GPM6B: variants seen among roughly 807,000 people sequenced by gnomAD.
GPM6B encodes the protein glycoprotein M6B, also known as neuronal membrane glycoprotein M6-b.
In GPM6B, 4 loss-of-function variants were observed where a neutral mutation model predicts 27.2. The ratio of observed to expected loss-of-function variants is 0.15; its 90% CI spans 0.07 to 0.34. GPM6B has a LOEUF of 0.34. GPM6B is among the 10% of genes least tolerant of loss of function. GPM6B has a pLI of 1.00. For missense variants in GPM6B, 183 were observed against 261.9 expected (o/e 0.70, Z 2.08); for synonymous variants, 124 against 103.1 (o/e 1.20, Z -1.23).
chrX:13,790,046 G>T (rs995505093), intron 2 of GPM6B, among the ~76,000 whole-genome samples: 22 of 111,476 alleles, frequency 2.0e-4, no homozygotes, highest in African/African-American at 7.2e-4. Context: ...TAGTGACAGG[G>T]TCTCCTTATG....
chrX:13,888,229 G>A (rs2050155828), intron 1 of GPM6B, among the ~76,000 whole-genome samples: 1 of 112,521 alleles, frequency 8.9e-6, no homozygotes, highest in African/African-American at 3.2e-5. Flanking sequence ...TCTTGCAGAA[G>A]CCATTTGGTT....
intron 1 of GPM6B, among the ~76,000 whole-genome samples, chrX:13,863,204 C>T (rs1273572875): frequency 9.0e-6 from 1 of 111,590 alleles, no homozygotes; most frequent in African/African-American, 3.3e-5. Flanking sequence ...CACCAAAACA[C>T]CCTCCGGGGC....
intron 1 of GPM6B, among the ~76,000 whole-genome samples, chrX:13,808,521 G>T (rs1789572297): frequency 1.8e-5 from 2 of 111,755 alleles, no homozygotes; most frequent in Admixed American, 1.9e-4. Context: ...CAATTTGCCT[G>T]GCACAGAGTA....
chrX:13,935,582 T>A (rs188073918), intron 1 of GPM6B, among the ~76,000 whole-genome samples: 1 of 112,201 alleles, frequency 8.9e-6, no homozygotes. Context: ...TCTCTCTGGA[T>A]ACATAAGCCA....
At chrX:13,936,132 A>G (rs1185329017) in intron 1 of GPM6B, among the ~76,000 whole-genome samples, 1 of 111,768 alleles carries the variant, frequency 8.9e-6, no homozygotes, top group Non-Finnish European at 1.9e-5. Context: ...TGGCTGCACA[A>G]ATCTGAATAT....
chrX:13,859,151 G>T (rs771254992), intron 1 of GPM6B, among the ~76,000 whole-genome samples: 1 of 112,219 alleles, frequency 8.9e-6, no homozygotes, highest in Admixed American at 9.5e-5. Flanking sequence ...ACGAAATTTA[G>T]TAATCATATG....
rs187036091 is a variant in GPM6B, at chrX:13,850,599, G to T, written c.-197-64791C>A. Among the ~76,000 whole-genome samples, 5 of 112,409 alleles carry T rather than the reference G, an allele frequency of 4.4e-5. 1 individual carries two copies. The highest frequency in any genetic ancestry group is 1.6e-4 in the African/African-American group (5 of 30,969). On this transcript the variant is annotated intron_variant, in intron 1 of 6. Transcript: ENST00000398361. ...CCATGTAGCACAGTAGACAGAACAG[G>T]TTCCAGGGGATGGGAGTCTGGACCT...
At chrX:13,790,318 G>A (rs1172150502) in intron 2 of GPM6B, among the ~76,000 whole-genome samples, 1 of 112,416 alleles carries the variant, frequency 8.9e-6, no homozygotes, top group Non-Finnish European at 1.9e-5. Context: ...GAAAAGATAT[G>A]AGTGGACCAT....
At chrX:13,862,939 C>T (rs191995796) in intron 1 of GPM6B, among the ~76,000 whole-genome samples, 36 of 110,749 alleles carry the variant, frequency 3.3e-4, no homozygotes, top group African/African-American at 1.1e-3. Context: ...TTAGGCAATC[C>T]TCCCACCTTG....
intron 1 of GPM6B, among the ~76,000 whole-genome samples, chrX:13,816,232 C>A (rs1022383881): frequency 4.2e-4 from 47 of 110,729 alleles, no homozygotes; most frequent in African/African-American, 1.5e-3. Context: ...TTTCTTCCCC[C>A]CAGTCTCCAA....
At chrX:13,833,550 T>TAAAAAAAAAAAAAAAAAAA (rs755832950) in intron 1 of GPM6B, among the ~76,000 whole-genome samples, 11 of 71,519 alleles carry the variant, frequency 1.5e-4, no homozygotes, top group South Asian at 9.6e-4. Context: ...CTCTATCTCT[T>TAAAAAAAAAAAAAAAAAAA]AAAAAAAAAA....
chrX:13,854,581 G>A (rs2049758624), intron 1 of GPM6B, among the ~76,000 whole-genome samples: 1 of 112,120 alleles, frequency 8.9e-6, no homozygotes, highest in Non-Finnish European at 1.9e-5. Context: ...CTAGACAGGA[G>A]GAATAAGTTT....
At chrX:13,888,127 CAT>C (rs1487155469) in intron 1 of GPM6B, among the ~76,000 whole-genome samples, 1 of 112,279 alleles carries the variant, frequency 8.9e-6, no homozygotes, top group Non-Finnish European at 1.9e-5. Flanking sequence ...TAGCATCTCA[CAT>C]AATCTATGGA....
At chrX:13,888,778 T>C (rs181476155) in intron 1 of GPM6B, among the ~76,000 whole-genome samples, 144 of 111,644 alleles carry the variant, frequency 1.3e-3, no homozygotes, top group Non-Finnish European at 2.3e-3. Context: ...TGATCTAAAA[T>C]AGAATCACAA....
At chrX:13,823,079 C>T (rs1403732103) in intron 1 of GPM6B, among the ~76,000 whole-genome samples, 1 of 112,326 alleles carries the variant, frequency 8.9e-6, no homozygotes, top group East Asian at 2.8e-4. Context: ...CTTTTGATCC[C>T]TTACTCTTTT....
intron 1 of GPM6B, among the ~76,000 whole-genome samples, chrX:13,834,878 A>G (rs2049478702): frequency 8.9e-6 from 1 of 112,450 alleles, no homozygotes; most frequent in African/African-American, 3.2e-5. Context: ...CTGTCAGTTA[A>G]TAACTCATCT....
chrX:13,870,074 T>A (rs1169537472), intron 1 of GPM6B, among the ~76,000 whole-genome samples: 3 of 112,124 alleles, frequency 2.7e-5, no homozygotes, highest in African/African-American at 9.7e-5. Context: ...GTTTGTCTGC[T>A]GTTTCCTCAT....
chrX:13,844,986 C>CTT (rs200629548), intron 1 of GPM6B, among the ~76,000 whole-genome samples: 11 of 98,239 alleles, frequency 1.1e-4, no homozygotes, highest in East Asian at 7.6e-4. Context: ...AACGTTTTTT[C>CTT]TTTTTCTTTT....
chrX:13,831,534 C>T (rs896307694), intron 1 of GPM6B, among the ~76,000 whole-genome samples: 1 of 111,052 alleles, frequency 9.0e-6, no homozygotes, highest in African/African-American at 3.3e-5. Context: ...ATGGCCCCAG[C>T]TCCATCACCA....
Sources: gnomAD v4.1 joint callset for allele counts (sites outside exome capture counted in the v4.1 genomes callset) on GRCh38, gnomAD v4.1.1 for gene constraint, MANE v1.5 for transcripts, NCBI Gene and HGNC (gene_info 2026-07-23, HGNC 2026-07-21) for gene names.